Variants in MTMR12 observed in about 807,000 individuals in gnomAD.
The protein encoded by MTMR12 is myotubularin related protein 12, also known as myotubularin-related protein 12.
A neutral mutation model predicts 96.7 loss-of-function variants in MTMR12; 33 were observed. The ratio of observed to expected loss-of-function variants is 0.34; its 90% confidence interval spans 0.26 to 0.46. The LOEUF (loss-of-function observed/expected upper bound fraction) is 0.46, where lower values mean the gene tolerates loss of function less well. Among genes scored for constraint, MTMR12 ranks in the 20% least tolerant of loss-of-function variants. The probability of loss-of-function intolerance (pLI) is 1.00; values close to 1 mark genes in which losing one functional copy is unlikely to be tolerated. For synonymous variants in MTMR12, 298 were observed against 327.2 expected, an observed-to-expected ratio of 0.91 and a Z score of 0.96; for missense variants, 721 against 896.1, an observed-to-expected ratio of 0.80 and a Z score of 2.49.
chr5:32,271,025 G>C, intron 4 of MTMR12, 78 bp from the exon 5 acceptor site: 2 of 1,443,396 alleles, frequency 1.4e-6, no homozygotes, highest in Non-Finnish European at 1.9e-6. Context: ...TGAAGTAGAT[G>C]ATCAACTTCT....
At position 32,312,777 on chromosome 5, in the gene MTMR12, A is replaced by C; in HGVS notation, c.62T>G (p.Val21Gly). The C allele has an allele frequency of 3.3e-6, 5 of 1,531,016 alleles. No individual in the cohort carries two copies. The highest frequency in any genetic ancestry group is 4.4e-6 in the Non-Finnish European group (5 of 1,142,006). 94.8% of individuals were successfully genotyped at this position (1,531,016 alleles called of 1,614,324 possible). ...GGTKAPKPSF[V>G]SYVRPEEIHT... ...CCTCACCTCAGGGCGTACGTACGACACGAAGGAGGGCTTGGGGGCCTTGGT... is the reference window on the plus strand; with the variant it reads ...CCTCACCTCAGGGCGTACGTACGACCCGAAGGAGGGCTTGGGGGCCTTGGT... The change falls in exon 1 of 16, where the codon GTG (valine) becomes GGG (glycine). Residue 21 changes from valine to glycine, a missense_variant. Coordinates refer to ENST00000382142, the MANE Select transcript of MTMR12 (RefSeq NM_001040446.3). The surrounding 1 kb of genome is among the most constrained non-coding windows in gnomAD (Gnocchi z 5.0).
intron 1 of MTMR12, among the ~76,000 whole-genome samples, chr5:32,307,984 T>C (rs1751421458): frequency 1.3e-5 from 2 of 152,156 alleles, no homozygotes; most frequent in African/African-American, 4.8e-5. Flanking sequence ...CAAACAGGTG[T>C]CTAAGAAACT....
At chr5:32,291,088 T>C (rs887998738) in intron 1 of MTMR12, among the ~76,000 whole-genome samples, 14 of 152,176 alleles carry the variant, frequency 9.2e-5, no homozygotes, top group Admixed American at 4.6e-4. Flanking sequence ...CAAATGCCCA[T>C]GGTCTCCACA....
intron 15 of MTMR12, chr5:32,232,834 TC>T: frequency 2.0e-6 from 1 of 494,524 alleles, no homozygotes; most frequent in Non-Finnish European, 2.6e-6. Flanking sequence ...CTCACCCAGG[TC>T]CCCAGTCCTC....
Position 32,274,052 on chromosome 5 carries a change from G to A in MTMR12, c.213C>T (p.Val71=). ...AGTCTGTGCAGACAAGCCTCCCATA[G>A]ACCCCATGCTGACAGGAATCTTCCT... ...YVQEDSCQHG[V]YGRLVCTDFK... The change falls in exon 3 of 16, where the codon GTC becomes GTT. Residue 71 remains valine, a synonymous_variant. Transcript: ENST00000382142. 1 of 1,614,108 alleles carries A rather than the reference G, an allele frequency of 6.2e-7. No individual in the cohort carries two copies. The highest frequency in any genetic ancestry group is 1.1e-5 in the South Asian group (1 of 91,078).
chr5:32,281,880 A>G (rs1403969440), intron 1 of MTMR12, among the ~76,000 whole-genome samples: 3 of 150,264 alleles, frequency 2.0e-5, no homozygotes, highest in Non-Finnish European at 4.4e-5. Flanking sequence ...AGCCTGGGAG[A>G]CAGTGCGAGA....
chr5:32,243,568 T>C lies in MTMR12; in HGVS notation c.1053A>G (p.Ile351Met). 1 of 1,612,064 alleles carries C rather than the reference T, an allele frequency of 6.2e-7. No homozygotes were observed. Among genetic ancestry groups the C allele is most frequent in the Admixed American group, 1.7e-5 (1 of 59,974 alleles). ...TACTTTCCAACAGAGAAAACCATTTTATATCTGTGTCCCAAAATTCAGTAC... is the reference window on the plus strand; with the variant it reads ...TACTTTCCAACAGAGAAAACCATTTCATATCTGTGTCCCAAAATTCAGTAC... ...DNSTEFWDTD[I>M]KWFSLLESSS... The change falls in exon 11 of 16, where the codon ATA (isoleucine) becomes ATG (methionine). Residue 351 changes from isoleucine to methionine, a missense_variant. Ile to Met is a conservative substitution (Grantham distance 10). Transcript: ENST00000382142.
At chr5:32,299,294 C>G (rs1295063879) in intron 1 of MTMR12, among the ~76,000 whole-genome samples, 1 of 152,136 alleles carries the variant, frequency 6.6e-6, no homozygotes, top group Non-Finnish European at 1.5e-5. Context: ...GTTAAACACC[C>G]AGCCCAAATT....
intron 3 of MTMR12, among the ~76,000 whole-genome samples, chr5:32,272,534 C>T (rs1449625328): frequency 6.6e-6 from 1 of 151,932 alleles, no homozygotes; most frequent in African/African-American, 2.4e-5. Flanking sequence ...CACACTCCAC[C>T]ACTCCTAGCT....
At chr5:32,296,108 G>A (rs144408524) in intron 1 of MTMR12, among the ~76,000 whole-genome samples, 2,332 of 152,144 alleles carry the variant, frequency 0.015, 30 homozygotes, top group Non-Finnish European at 0.024. Flanking sequence ...GCAGTTAGCT[G>A]AGATCACGCC....
At chr5:32,300,441 C>T (rs961361484) in intron 1 of MTMR12, among the ~76,000 whole-genome samples, 15 of 152,186 alleles carry the variant, frequency 9.9e-5, no homozygotes, top group African/African-American at 3.6e-4. Context: ...TTCCACAATG[C>T]TATGGCACCT....
intron 1 of MTMR12, among the ~76,000 whole-genome samples, chr5:32,290,582 T>C (rs1409464081): frequency 4.6e-5 from 7 of 152,160 alleles, no homozygotes; most frequent in African/African-American, 1.7e-4. Flanking sequence ...TTCGTTTGAG[T>C]GTGTTACTCC....
intron 12 of MTMR12, among the ~76,000 whole-genome samples, chr5:32,241,528 G>C (rs1009562141): frequency 2.6e-5 from 4 of 152,200 alleles, no homozygotes; most frequent in African/African-American, 9.6e-5. Context: ...TATGTAACTA[G>C]TTACAGCACC....
intron 8 of MTMR12, among the ~76,000 whole-genome samples, chr5:32,252,926 C>G (rs1161280222): frequency 6.6e-6 from 1 of 152,106 alleles, no homozygotes; most frequent in African/African-American, 2.4e-5. Context: ...AAAGACAAAG[C>G]CAGAGAGGGG....
At chr5:32,311,250 AT>A (rs983974062) in intron 1 of MTMR12, among the ~76,000 whole-genome samples, 8 of 152,236 alleles carry the variant, frequency 5.3e-5, no homozygotes, top group African/African-American at 1.4e-4. Context: ...ACAAAGAGAA[AT>A]TGACCACATT....
chr5:32,276,874 T>A (rs1260563896), intron 1 of MTMR12, 132 bp from the exon 2 acceptor site: 2 of 1,548 alleles, frequency 1.3e-3, no homozygotes, highest in Non-Finnish European at 1.6e-3. Context: ...TACAAGCTAC[T>A]TTTTTTTTTT....
At chr5:32,258,436 T>TTACC (rs2112046601) in intron 7 of MTMR12, among the ~76,000 whole-genome samples, 1 of 152,254 alleles carries the variant, frequency 6.6e-6, no homozygotes, top group African/African-American at 2.4e-5. Flanking sequence ...GATTAAAAGA[T>TTACC]TACCAATGTC....
At chr5:32,240,557 G>C (rs1338059782) in intron 12 of MTMR12, among the ~76,000 whole-genome samples, 1 of 152,136 alleles carries the variant, frequency 6.6e-6, no homozygotes, top group Non-Finnish European at 1.5e-5. Flanking sequence ...ATGGGTTACA[G>C]AGAAACAGAT....
In MTMR12 at chr5:32,268,722, T is replaced by A. The variant is rs1749705587; in HGVS notation, c.562A>T (p.Thr188Ser). The A allele has an allele frequency of 6.2e-7, 1 of 1,613,778 alleles. No homozygotes were observed. The highest frequency in any genetic ancestry group is 8.5e-7 in the Non-Finnish European group (1 of 1,179,704). The change falls in exon 6 of 16, where the codon ACT (threonine) becomes TCT (serine). Residue 188 changes from threonine (T) to serine (S), a missense_variant. Thr to Ser is a moderately conservative substitution (Grantham distance 58). Transcript: ENST00000382142. ...TTACCTGTATTGTTTTGTGCAGCAGTCGCATAGGAAAACAGAAATAATCGT... is the reference window on the plus strand; with the variant it reads ...TTACCTGTATTGTTTTGTGCAGCAGACGCATAGGAAAACAGAAATAATCGT... The part of the protein sequence containing the change: ...LKRLFLFSYA[T>S]AAQNNTVTDP...
Sources: allele counts gnomAD v4.1 joint callset (sites outside exome capture counted in the v4.1 genomes callset), GRCh38; gene constraint gnomAD v4.1.1; non-coding constraint Gnocchi (gnomAD v3.1); transcripts MANE v1.5; gene names NCBI Gene and HGNC (gene_info 2026-07-23, HGNC 2026-07-21).